The following RBFOX1 variants were observed in gnomAD, a reference collection of about 807,000 sequenced individuals.
RBFOX1 encodes RNA binding protein fox-1 homolog 1.
RBFOX1 carries 8 observed loss-of-function variants against 57.7 expected under a neutral mutation model. That is an observed-to-expected ratio of 0.14 (90% CI 0.08 to 0.25). The LOEUF (loss-of-function observed/expected upper bound fraction) is 0.25. Ranked by LOEUF, RBFOX1 falls within the 10% of genes least tolerant of loss-of-function variation. The probability of loss-of-function intolerance (pLI) is 1.00; values close to 1 mark genes in which losing one functional copy is unlikely to be tolerated. For missense variants in RBFOX1, 611 were observed against 548.5 expected (o/e 1.11, Z -1.14); for synonymous variants, 326 against 222.4 (o/e 1.47, Z -4.15).
intron 3 of RBFOX1, among the ~76,000 whole-genome samples, chr16:5,862,014 A>C (rs1048000877): frequency 2.0e-5 from 3 of 152,188 alleles, no homozygotes; most frequent in African/African-American, 7.2e-5. Context: ...CAGGCCTGAG[A>C]GTGACGGCCA....
intron 4 of RBFOX1, among the ~76,000 whole-genome samples, chr16:7,512,384 G>T (rs2075326605): frequency 6.6e-6 from 1 of 152,204 alleles, no homozygotes; most frequent in African/African-American, 2.4e-5. Flanking sequence ...GACATCTCTG[G>T]AGCCATTTGA....
intron 1 of RBFOX1, among the ~76,000 whole-genome samples, chr16:5,425,382 G>C (rs914362570): frequency 3.3e-5 from 5 of 152,124 alleles, no homozygotes; most frequent in African/African-American, 1.2e-4. Flanking sequence ...GGGATTACAG[G>C]CATGAGCCAC....
chr16:7,134,117 C>G (rs779817993), intron 4 of RBFOX1, among the ~76,000 whole-genome samples: 1 of 152,086 alleles, frequency 6.6e-6, no homozygotes, highest in African/African-American at 2.4e-5. Flanking sequence ...GACTGCCCTG[C>G]AAATACAATA....
At chr16:7,085,209 T>C (rs1000566772) in intron 4 of RBFOX1, among the ~76,000 whole-genome samples, 9 of 152,170 alleles carry the variant, frequency 5.9e-5, no homozygotes, top group Admixed American at 5.9e-4. Flanking sequence ...GTTATTCTAC[T>C]TGCCAAATAA....
At chr16:5,619,464 A>G (rs1448355819) in intron 3 of RBFOX1, among the ~76,000 whole-genome samples, 1 of 152,076 alleles carries the variant, frequency 6.6e-6, no homozygotes, top group Non-Finnish European at 1.5e-5. Flanking sequence ...CTCTCGCCCC[A>G]ACCCCGAGAC....
chr16:5,339,041 A>G (rs1057264507), intron 1 of RBFOX1, among the ~76,000 whole-genome samples: 3 of 152,196 alleles, frequency 2.0e-5, no homozygotes, highest in African/African-American at 7.2e-5. Flanking sequence ...AAATCTCTCA[A>G]TAATTTTCAG....
At chr16:6,873,686 T>A (rs530407093) in intron 3 of RBFOX1, among the ~76,000 whole-genome samples, 1 of 152,218 alleles carries the variant, frequency 6.6e-6, no homozygotes, top group Non-Finnish European at 1.5e-5. Flanking sequence ...TGAGTATTTA[T>A]GGCATCATGA....
chr16:6,480,568 C>T (rs956179084), intron 2 of RBFOX1, among the ~76,000 whole-genome samples: 6 of 152,164 alleles, frequency 3.9e-5, no homozygotes, highest in African/African-American at 9.7e-5. Context: ...TGTACAGAAA[C>T]AGAGAATGGC....
At chr16:5,355,634 G>T (rs776522874) in intron 1 of RBFOX1, among the ~76,000 whole-genome samples, 4 of 152,140 alleles carry the variant, frequency 2.6e-5, no homozygotes, top group Non-Finnish European at 5.9e-5. Flanking sequence ...GCCTGTAGTG[G>T]GTTGAGGAGC....
intron 1 of RBFOX1, among the ~76,000 whole-genome samples, chr16:6,219,917 G>A (rs940472156): frequency 1.3e-5 from 2 of 151,996 alleles, no homozygotes; most frequent in East Asian, 3.9e-4. Flanking sequence ...ACTAATTCTC[G>A]TATCGATTGT....
chr16:7,231,819 T>A (rs1413869397), intron 4 of RBFOX1, among the ~76,000 whole-genome samples: 1 of 152,186 alleles, frequency 6.6e-6, no homozygotes, highest in Non-Finnish European at 1.5e-5. Context: ...ACAGATTATG[T>A]GATTTCCTTC....
downstream of RBFOX1, among the ~76,000 whole-genome samples, chr16:5,603,645 A>G (rs17138198): frequency 0.037 from 5,662 of 152,282 alleles, 249 homozygotes; most frequent in African/African-American, 0.11. Context: ...TTCCTTGATT[A>G]TTAGAAAAAA....
intron 14 of RBFOX1, among the ~76,000 whole-genome samples, chr16:7,705,271 C>T (rs2082068659): frequency 6.6e-6 from 1 of 152,054 alleles, no homozygotes; most frequent in Non-Finnish European, 1.5e-5. Flanking sequence ...CTTTGGGAGG[C>T]CGAGGCAGGA....
chr16:6,388,139 TG>T (rs1010950321), intron 2 of RBFOX1, among the ~76,000 whole-genome samples: 29 of 152,038 alleles, frequency 1.9e-4, no homozygotes, highest in African/African-American at 6.8e-4. Context: ...GCTAATTTTT[TG>T]TATTTTTAGT....
At chr16:6,159,462 T>C (rs984556853) in intron 1 of RBFOX1, among the ~76,000 whole-genome samples, 17 of 152,132 alleles carry the variant, frequency 1.1e-4, no homozygotes, top group African/African-American at 3.9e-4. Context: ...AGATGGGCAT[T>C]CTTTGAGGAC....
rs1366077589 is a variant in RBFOX1 at position 6,450,788 on chromosome 16, T to TACAC, written c.-64+133734_-64+133735insCACA. On this transcript the variant is annotated intron_variant, in intron 2 of 15. Transcript: ENST00000550418. Reference sequence around the variant, plus strand: ...ATGTGTATATATATATATATATATATACATATATATATGTATATATATATA... The same window carrying TACAC: ...ATGTGTATATATATATATATATATATACACACATATATATATGTATATATATATA... Among the ~76,000 whole-genome samples the TACAC allele has an allele frequency of 4.2e-4, 20 of 47,996 alleles. 3 individuals are homozygous for TACAC. Among genetic ancestry groups the TACAC allele is most frequent in the African/African-American group, 2.1e-3 (19 of 9,116 alleles). 31.5% of individuals were successfully genotyped at this position (47,996 alleles called of 152,430 possible). A position where few individuals can be genotyped will look rare whatever the true frequency, so the allele number is the denominator to read the frequency against.
At chr16:6,238,029 T>G (rs539816616) in intron 1 of RBFOX1, among the ~76,000 whole-genome samples, 49 of 146,754 alleles carry the variant, frequency 3.3e-4, no homozygotes, top group African/African-American at 1.3e-3. Context: ...AGGCAGAGAT[T>G]GCAGTAAGCT....
intron 4 of RBFOX1, among the ~76,000 whole-genome samples, chr16:7,099,003 T>A (rs577671150): frequency 6.6e-6 from 1 of 152,150 alleles, no homozygotes; most frequent in Non-Finnish European, 1.5e-5. Context: ...TGCCTCTTTT[T>A]GGTGGGTCAG....
chr16:7,701,994 G>A (rs1354798116), intron 14 of RBFOX1, among the ~76,000 whole-genome samples: 2 of 152,150 alleles, frequency 1.3e-5, no homozygotes, highest in Admixed American at 1.3e-4. Context: ...GAGGTGGGGT[G>A]GTTGGCACCT....
Sources: allele counts gnomAD v4.1 joint callset (sites outside exome capture counted in the v4.1 genomes callset), GRCh38; gene constraint gnomAD v4.1.1; transcripts MANE v1.5; gene names NCBI Gene and HGNC (gene_info 2026-07-23, HGNC 2026-07-21).